The following ARMC5 variants were observed in gnomAD, a reference collection of about 807,000 sequenced individuals.
The protein encoded by ARMC5 is armadillo repeat-containing protein 5.
Under a neutral mutation model 60.5 loss-of-function variants are expected in ARMC5, and 28 were observed. The ratio of observed to expected loss-of-function variants is 0.46; its 90% CI spans 0.34 to 0.63. The LOEUF (loss-of-function observed/expected upper bound fraction) is 0.63, where lower values mean the gene tolerates loss of function less well. ARMC5 is among the 30% of genes least tolerant of loss of function. ARMC5 has a pLI of 0.01. For synonymous variants in ARMC5, 680 were observed against 607.3 expected, an observed-to-expected ratio of 1.12 and a Z score of -1.76; for missense variants, 1,189 against 1,304.9, an observed-to-expected ratio of 0.91 and a Z score of 1.37.
rs1301277664 is a variant in ARMC5 at position 31,461,938 on chromosome 16, C to T, written c.492C>T (p.Cys164=). 2 of 1,614,012 alleles carry T rather than the reference C, an allele frequency of 1.2e-6. No individual in the cohort carries two copies. The highest frequency in any genetic ancestry group is 3.3e-5 in the Admixed American group (2 of 60,000). ...GILPLVTILQ[C]MKTDSIQNRT... The stretch of plus-strand genomic sequence containing the variant: ...TCGTTGCAGTGACCATTCTTCAGTG[C>T]ATGAAGACAGACAGCATCCAGAACC... The change falls in exon 2 of 6, where the codon TGC becomes TGT. Residue 164 remains cysteine, a synonymous_variant. Coordinates refer to ENST00000268314, the MANE Select transcript of ARMC5 (RefSeq NM_001105247.2).
intron 4 of ARMC5, chr16:31,465,625 C>G (rs1023433500): frequency 5.1e-5 from 71 of 1,402,488 alleles, no homozygotes; most frequent in Non-Finnish European, 4.2e-5. Flanking sequence ...GGTGGCTTGC[C>G]GCCCACACTT....
At chr16:31,463,074 A>G (rs575972342) in intron 3 of ARMC5, among the ~76,000 whole-genome samples, 157 bp downstream of exon 3, 2 of 150,732 alleles carry the variant, frequency 1.3e-5, no homozygotes, top group Admixed American at 6.6e-5. Flanking sequence ...GCCAGTTCCT[A>G]TTTAACACAC....
rs1463219786 is a variant in ARMC5, at chr16:31,459,844, C to T, written c.320C>T (p.Ser107Leu). 5.1e-6 allele frequency: 8 copies of T among 1,578,212 alleles called. No homozygotes were observed. The highest frequency in any genetic ancestry group is 1.8e-5 in the Admixed American group (1 of 55,740). ...GGAGCTTCTAGCCCCGCCCCCGCGT[C>T]GGGCCCCGCCCCCTCCGCTGTGTCG... ...ASGASSPAPA[S>L]GPAPSAVSSS... Residue 107 changes from serine to leucine, a missense_variant, in exon 1 of 6, where the codon TCG (serine) becomes TTG (leucine). Physicochemically the swap from Ser to Leu is moderately radical, Grantham distance 145. This residue lies in a region of ARMC5 where 327 missense variants were observed against 233.7 expected (regional missense o/e 1.40). Coordinates refer to ENST00000268314, the MANE Select transcript of ARMC5 (RefSeq NM_001105247.2).
Position 31,465,085 on chromosome 16 carries a change from TC to T in ARMC5, c.1864+200del, listed in dbSNP as rs1418564135. On this transcript the variant is annotated intron_variant, in intron 4 of 5. Transcript: ENST00000268314. ...GGCCCACAGGCAGAGTTCTGCTGTG[TC>T]CTCTGCCCTAGCCCTGGGACCCAGA... 1.2e-6 allele frequency: 2 copies of T among 1,613,910 alleles called. No individual in the cohort carries two copies. Among genetic ancestry groups the T allele is most frequent in the Non-Finnish European group, 1.7e-6 (2 of 1,179,988 alleles).
In ARMC5 at chr16:31,462,721, G is replaced by T; in HGVS notation, c.1174G>T (p.Ala392Ser). ...AAGCGCATGGCACCCTCGTATTGTGGCTGCCCTTGTGGGGTTTCTGTATGA... is the reference window on the plus strand; with the variant it reads ...AAGCGCATGGCACCCTCGTATTGTGTCTGCCCTTGTGGGGTTTCTGTATGA... The part of the protein sequence containing the change: ...RASAWHPRIV[A>S]ALVGFLYDTG... The change falls in exon 3 of 6, where the codon GCT becomes TCT. Residue 392 changes from alanine to serine, a missense_variant. Coordinates refer to ENST00000268314, the MANE Select transcript of ARMC5 (RefSeq NM_001105247.2). This position sits in a 1 kb window ranked among gnomAD's most constrained non-coding sequence, Gnocchi z 7.2. The T allele has an allele frequency of 6.2e-7, 1 of 1,613,748 alleles. No homozygotes were observed. The highest frequency in any genetic ancestry group is 8.5e-7 in the Non-Finnish European group (1 of 1,180,030).
rs765712803 is a variant in ARMC5 at position 31,459,776 on chromosome 16, G to A, written c.252G>A (p.Pro84=). ...GAGCGGCTGCAGCGGGTTCCGCCCC[G>A]TCCCAGGCAGGCCCCGGCTCCGCCC... The part of the protein sequence containing the change: ...LRRAAAAGSA[P]SQAGPGSAPS... Residue 84 remains proline, a synonymous_variant, in exon 1 of 6, where the codon CCG becomes CCA. Coordinates refer to ENST00000268314, the MANE Select transcript of ARMC5 (RefSeq NM_001105247.2). 6.5e-7 allele frequency: 1 copy of A among 1,541,050 alleles called. No individual in the cohort carries two copies. The highest frequency in any genetic ancestry group is 1.2e-5 in the South Asian group (1 of 85,018).
chr16:31,465,041 G>A (rs573535987), intron 4 of ARMC5, 154 bp downstream of exon 4: 2 of 1,613,596 alleles, frequency 1.2e-6, no homozygotes, highest in Admixed American at 1.7e-5. Context: ...GGGGAGCAGG[G>A]CGTTCCAGTC....
In ARMC5 at chr16:31,462,529, G is replaced by A. The variant is rs1187448638; in HGVS notation, c.982G>A (p.Val328Ile). Reference protein sequence around the residue: ...LGNAGGVEVLVDELRQRRDPN... With the variant: ...LGNAGGVEVLIDELRQRRDPN... The stretch of plus-strand genomic sequence containing the variant: ...CAATGCTGGTGGCGTGGAGGTGCTG[G>A]TAGATGAGCTCCGGCAGCGCCGGGA... The change falls in exon 3 of 6, where the codon GTA (valine) becomes ATA (isoleucine). Residue 328 changes from valine (V) to isoleucine (I), a missense_variant. By Grantham distance (29) the Val-to-Ile change is conservative. Coordinates refer to ENST00000268314, the MANE Select transcript of ARMC5 (RefSeq NM_001105247.2). The surrounding 1 kb of genome is among the most constrained non-coding windows in gnomAD (Gnocchi z 7.2). 6.2e-7 allele frequency: 1 copy of A among 1,611,084 alleles called. No homozygotes were observed. The highest frequency in any genetic ancestry group is 1.3e-5 in the African/African-American group (1 of 75,068).
Position 31,459,548 on chromosome 16 carries a change from C to T in ARMC5, c.24C>T (p.Leu8=), listed in dbSNP as rs757910499. 2 of 1,606,090 alleles carry T rather than the reference C, an allele frequency of 1.2e-6. No individual in the cohort carries two copies. Among genetic ancestry groups the T allele is most frequent in the Non-Finnish European group, 1.7e-6 (2 of 1,179,088 alleles). Residue 8 remains leucine (L), a synonymous_variant, in exon 1 of 6, where the codon CTC becomes CTT. Transcript: ENST00000268314. ...AGATGGCGGCTGCGAAGCCAACCCT[C>T]ACGGACTCGCTCTCGTTCTGCCTCG... MAAAKPT[L]TDSLSFCLAQ... is the part of the protein sequence containing the mutation.
rs1432705836 is a variant in ARMC5, at chr16:31,467,078, G to GGGCCCAGAGAAGCAGAAC, written c.*190_*207dup. 1.1e-5 allele frequency: 8 copies of GGGCCCAGAGAAGCAGAAC among 731,346 alleles called. No individual in the cohort carries two copies. Among genetic ancestry groups the GGGCCCAGAGAAGCAGAAC allele is most frequent in the Admixed American group, 3.7e-5 (1 of 27,058 alleles). 45.3% of individuals were successfully genotyped at this position (731,346 alleles called of 1,614,324 possible). ...AAGCCAAGGCCAGGTTCTGGGTGTAGGGCCCAGAGAAGCAGAACAGCCCAG... is the reference window on the plus strand; with the variant it reads ...AAGCCAAGGCCAGGTTCTGGGTGTAGGGCCCAGAGAAGCAGAACGGCCCAGAGAAGCAGAACAGCCCAG... On this transcript the variant is annotated 3_prime_UTR_variant, in exon 6 of 6. Coordinates refer to ENST00000268314, the MANE Select transcript of ARMC5 (RefSeq NM_001105247.2).
At position 31,466,051 on chromosome 16, in the gene ARMC5, C is replaced by A; in HGVS notation, c.1998-28C>A. On this transcript the variant is annotated intron_variant, in intron 5 of 5. Coordinates refer to ENST00000268314, the MANE Select transcript of ARMC5 (RefSeq NM_001105247.2). The surrounding 1 kb of genome is among the most constrained non-coding windows in gnomAD (Gnocchi z 8.0). Reference sequence around the variant, plus strand: ...TGTGTTTCCCAGGCCCGTTGCCCACCTTTTGAAAGGCCCTCTCTTCCCTGT... The same window carrying A: ...TGTGTTTCCCAGGCCCGTTGCCCACATTTTGAAAGGCCCTCTCTTCCCTGT... 1 of 1,591,968 alleles carries A rather than the reference C, an allele frequency of 6.3e-7. No homozygotes were observed. Among genetic ancestry groups the A allele is most frequent in the Non-Finnish European group, 8.5e-7 (1 of 1,175,410 alleles).
chr16:31,464,435 A>T lies in ARMC5; in HGVS notation c.1412A>T (p.Asp471Val). The T allele has an allele frequency of 6.4e-7, 1 of 1,564,600 alleles. No individual in the cohort carries two copies. Among genetic ancestry groups the T allele is most frequent in the Non-Finnish European group, 8.6e-7 (1 of 1,157,288 alleles). ...ISEGYATGPD[D>V]ISPDWSPEQC... ...GAGGGCTATGCCACAGGCCCTGATGACATCTCCCCCGACTGGTCTCCTGAG... is the reference window on the plus strand; with the variant it reads ...GAGGGCTATGCCACAGGCCCTGATGTCATCTCCCCCGACTGGTCTCCTGAG... Residue 471 changes from aspartate (D) to valine (V), a missense_variant, in exon 4 of 6, where the codon GAC (aspartate) becomes GTC (valine). By Grantham distance (152) the Asp-to-Val change is radical. Transcript: ENST00000268314. This position sits in a 1 kb window ranked among gnomAD's most constrained non-coding sequence, Gnocchi z 7.6.
At position 31,461,905 on chromosome 16, in the gene ARMC5, C is replaced by T; in HGVS notation, c.476-17C>T. On this transcript the variant is annotated splice_polypyrimidine_tract_variant and intron_variant, in intron 1 of 5. Transcript: ENST00000268314. ...AGTAAGGGGTAGAACCCTCACAAGCCCAAACTGTCGTTGCAGTGACCATTC... is the reference window on the plus strand; with the variant it reads ...AGTAAGGGGTAGAACCCTCACAAGCTCAAACTGTCGTTGCAGTGACCATTC... 1 of 1,610,530 alleles carries T rather than the reference C, an allele frequency of 6.2e-7. No homozygotes were observed. Among genetic ancestry groups the T allele is most frequent in the Non-Finnish European group, 8.5e-7 (1 of 1,176,722 alleles).
In ARMC5 at chr16:31,461,964, G is replaced by T; in HGVS notation, c.518G>T (p.Arg173Leu). The change falls in exon 2 of 6, where the codon CGA becomes CTA. Residue 173 changes from arginine (R) to leucine (L), a missense_variant. This residue lies in a region of ARMC5 where 862 missense variants were observed against 1,071.2 expected (regional missense o/e 0.80). Coordinates refer to ENST00000268314, the MANE Select transcript of ARMC5 (RefSeq NM_001105247.2). ...QCMKTDSIQN[R>L]TARALGNLAM... ...ATGAAGACAGACAGCATCCAGAACC[G>T]AACGGCCCGTGCCCTGGGGAACTTA... The T allele has an allele frequency of 6.2e-7, 1 of 1,614,188 alleles. No individual in the cohort carries two copies. Among genetic ancestry groups the T allele is most frequent in the Non-Finnish European group, 8.5e-7 (1 of 1,180,024 alleles).
At chr16:31,458,784 G>A, upstream of ARMC5, 2 of 1,508,462 alleles carry the variant, frequency 1.3e-6, no homozygotes, top group South Asian at 1.2e-5. Flanking sequence ...GCCCCGCCCC[G>A]TCCGGATTCT....
Position 31,466,692 on chromosome 16 carries a change from G to C in ARMC5, c.2611G>C (p.Glu871Gln), listed in dbSNP as rs933170562. ...GPQGGPESVGEVFRLGRPRLA... is the reference protein window; with the variant it reads ...GPQGGPESVGQVFRLGRPRLA... ...CCAGGGTGGCCCGGAGTCAGTGGGT[G>C]AGGTGTTCCGCCTGGGCCGGCCCCG... The change falls in exon 6 of 6, where the codon GAG (glutamate) becomes CAG (glutamine). Residue 871 changes from glutamate (E) to glutamine (Q), a missense_variant. Coordinates refer to ENST00000268314, the MANE Select transcript of ARMC5 (RefSeq NM_001105247.2). This position sits in a 1 kb window ranked among gnomAD's most constrained non-coding sequence, Gnocchi z 8.0. 4 of 1,568,786 alleles carry C rather than the reference G, an allele frequency of 2.5e-6. No individual in the cohort carries two copies. The highest frequency in any genetic ancestry group is 1.4e-5 in the African/African-American group (1 of 73,992).
chr16:31,461,846 A>C, intron 1 of ARMC5, 76 bp from the exon 2 acceptor site: 1 of 1,383,342 alleles, frequency 7.2e-7, no homozygotes, highest in South Asian at 1.2e-5. Flanking sequence ...AGGCCCTCTC[A>C]GGCCACATTC....
At chr16:31,465,248 AC>A in intron 4 of ARMC5, 2 of 1,532,036 alleles carry the variant, frequency 1.3e-6, no homozygotes, top group African/African-American at 1.4e-5. Context: ...CCTCACCATC[AC>A]CCCCAGCACT....
At chr16:31,465,813 A>G (rs1567378395) in intron 4 of ARMC5, 37 bp from the exon 5 acceptor site, 6 of 1,604,290 alleles carry the variant, frequency 3.7e-6, no homozygotes, top group Non-Finnish European at 4.2e-6. Context: ...CCTGTCTTAG[A>G]CCCCAGTTCC....
Sources: gnomAD v4.1 joint callset for allele counts (sites outside exome capture counted in the v4.1 genomes callset) on GRCh38, gnomAD v4.1.1 for gene constraint, gnomAD v4.1.1 regional missense constraint, Gnocchi (gnomAD v3.1) non-coding constraint, MANE v1.5 for transcripts, NCBI Gene and HGNC (gene_info 2026-07-23, HGNC 2026-07-21) for gene names.